GRIA1: variants seen among roughly 807,000 people sequenced by gnomAD.
GRIA1 encodes the protein glutamate ionotropic receptor AMPA type subunit 1.
In GRIA1, 31 loss-of-function variants were observed where a neutral mutation model predicts 99.2. The observed-to-expected ratio is 0.31, with a 90% confidence interval of 0.23 to 0.42. The LOEUF (loss-of-function observed/expected upper bound fraction) is 0.42, where lower values mean the gene tolerates loss of function less well. Among genes scored for constraint, GRIA1 ranks in the 10% least tolerant of loss-of-function variants. GRIA1 has a pLI of 1.00. For missense variants in GRIA1, 782 were observed against 1,157.5 expected (o/e 0.68, Z 4.71); for synonymous variants, 438 against 432.4 (o/e 1.01, Z -0.16).
At chr5:153,633,368 C>CT (rs35455708) in intron 2 of GRIA1, among the ~76,000 whole-genome samples, 1 of 152,158 alleles carries the variant, frequency 6.6e-6, no homozygotes, top group Non-Finnish European at 1.5e-5. Context: ...TGAGAAATGC[C>CT]TTTTTTTCTC....
At chr5:153,619,822 AC>A (rs1766860921) in intron 2 of GRIA1, among the ~76,000 whole-genome samples, 2 of 152,164 alleles carry the variant, frequency 1.3e-5, no homozygotes, top group Non-Finnish European at 2.9e-5. Flanking sequence ...AGAACACTAA[AC>A]TTAAAGAGTC....
rs143308759 is a variant in GRIA1 at position 153,584,911 on chromosome 5, T to A, written c.221-62017T>A. On this transcript the variant is annotated intron_variant, in intron 2 of 15. Coordinates refer to ENST00000285900, the MANE Select transcript of GRIA1 (RefSeq NM_000827.4). ...GGGAACACAAGAAACCTGGGTGAAC[T>A]TTTTCACAAACAATTCATTTTTCTA... Among the ~76,000 whole-genome samples the A allele has an allele frequency of 1.2e-4, 19 of 152,300 alleles. 2 individuals carry two copies. Among genetic ancestry groups the A allele is most frequent in the African/African-American group, 4.6e-4 (19 of 41,576 alleles).
intron 2 of GRIA1, among the ~76,000 whole-genome samples, chr5:153,632,093 C>T (rs1015968649): frequency 6.6e-6 from 1 of 152,116 alleles, no homozygotes; most frequent in African/African-American, 2.4e-5. Context: ...ATCTGTTTGA[C>T]AGGATGTGAT....
intron 2 of GRIA1, among the ~76,000 whole-genome samples, chr5:153,560,445 A>T (rs1291300918): frequency 6.6e-6 from 1 of 152,172 alleles, no homozygotes; most frequent in East Asian, 1.9e-4. Context: ...TGTAGCTCCC[A>T]TAACCCCCAC....
chr5:153,708,354 G>A (rs1759066808), intron 11 of GRIA1, among the ~76,000 whole-genome samples: 1 of 152,050 alleles, frequency 6.6e-6, no homozygotes, highest in Admixed American at 6.5e-5. Flanking sequence ...GTGACCTCTG[G>A]CTGCAAGAGG....
intron 7 of GRIA1, among the ~76,000 whole-genome samples, chr5:153,681,689 CT>C (rs1756981157): frequency 6.6e-6 from 1 of 152,094 alleles, no homozygotes; most frequent in African/African-American, 2.4e-5. Flanking sequence ...CATAATCCTC[CT>C]AGTGCTGCCT....
intron 5 of GRIA1, among the ~76,000 whole-genome samples, chr5:153,656,462 A>G (rs1754972921): frequency 6.8e-6 from 1 of 146,862 alleles, no homozygotes; most frequent in Non-Finnish European, 1.5e-5. Flanking sequence ...ACTGTTTTTT[A>G]TATTACAAAG....
chr5:153,580,811 C>G (rs192591937), intron 2 of GRIA1, among the ~76,000 whole-genome samples: 1 of 152,156 alleles, frequency 6.6e-6, no homozygotes, highest in Admixed American at 6.5e-5. Context: ...CCACTGTCTG[C>G]TGCTCAGGTT....
intron 2 of GRIA1, among the ~76,000 whole-genome samples, chr5:153,524,343 C>A (rs568351539): frequency 6.6e-6 from 1 of 152,238 alleles, no homozygotes; most frequent in South Asian, 2.1e-4. Flanking sequence ...AAAAAGAATT[C>A]TTGGCACAGA....
At chr5:153,661,367 T>C (rs1346141343) in intron 5 of GRIA1, among the ~76,000 whole-genome samples, 1 of 152,238 alleles carries the variant, frequency 6.6e-6, no homozygotes, top group Non-Finnish European at 1.5e-5. Context: ...TGTTGCCTTA[T>C]CTTTAAAAAA....
chr5:153,583,445 A>T (rs1197312513), intron 2 of GRIA1, among the ~76,000 whole-genome samples: 1 of 152,178 alleles, frequency 6.6e-6, no homozygotes, highest in Non-Finnish European at 1.5e-5. Flanking sequence ...GGTTGCCATC[A>T]ATCCTGGGTG....
At chr5:153,671,638 A>G (rs552002934) in intron 5 of GRIA1, among the ~76,000 whole-genome samples, 1 of 152,284 alleles carries the variant, frequency 6.6e-6, no homozygotes, top group Non-Finnish European at 1.5e-5. Flanking sequence ...ACCAATTACA[A>G]TCACCCACTG....
At chr5:153,758,776 A>G (rs1399737004) in intron 11 of GRIA1, among the ~76,000 whole-genome samples, 1 of 152,046 alleles carries the variant, frequency 6.6e-6, no homozygotes, top group Non-Finnish European at 1.5e-5. Flanking sequence ...TATTTGCAAC[A>G]GAACATAGAA....
chr5:153,652,711 A>T (rs1184209023), intron 4 of GRIA1, among the ~76,000 whole-genome samples: 2 of 152,242 alleles, frequency 1.3e-5, no homozygotes, highest in Non-Finnish European at 2.9e-5. Context: ...TTTGAAAAGT[A>T]AGACCAAAGA....
chr5:153,545,915 C>T (rs796918444), intron 2 of GRIA1, among the ~76,000 whole-genome samples: 4 of 152,326 alleles, frequency 2.6e-5, no homozygotes, highest in African/African-American at 9.6e-5. Context: ...CATGATGGCC[C>T]TGCCTATTAG....
intron 7 of GRIA1, among the ~76,000 whole-genome samples, chr5:153,681,906 C>T (rs1310560315): frequency 6.6e-6 from 1 of 152,030 alleles, no homozygotes; most frequent in Non-Finnish European, 1.5e-5. Flanking sequence ...GTGTAGCAGG[C>T]ACCTGTAATT....
At chr5:153,519,454 TCA>T (rs1561605485) in intron 2 of GRIA1, among the ~76,000 whole-genome samples, 1 of 151,634 alleles carries the variant, frequency 6.6e-6, no homozygotes, top group African/African-American at 2.4e-5. Context: ...TCAGACTAGA[TCA>T]GAGTCTGAAG....
chr5:153,744,317 A>G (rs1422048145), intron 11 of GRIA1, among the ~76,000 whole-genome samples: 1 of 152,154 alleles, frequency 6.6e-6, no homozygotes, highest in Non-Finnish European at 1.5e-5. Context: ...TGTTATTTTA[A>G]CTTTGTGCAA....
chr5:153,652,909 G>A (rs1356450904), intron 4 of GRIA1, among the ~76,000 whole-genome samples: 2 of 152,080 alleles, frequency 1.3e-5, no homozygotes, highest in Non-Finnish European at 2.9e-5. Flanking sequence ...CTCACATTCA[G>A]TAACTGGGAA....
Sources: allele counts gnomAD v4.1 joint callset (sites outside exome capture counted in the v4.1 genomes callset), GRCh38; gene constraint gnomAD v4.1.1; transcripts MANE v1.5; gene names NCBI Gene and HGNC (gene_info 2026-07-23, HGNC 2026-07-21).